SPMIP8: variants seen among roughly 807,000 people sequenced by gnomAD.
SPMIP8 encodes the protein testicular tissue protein Li 196.
At chr16:57,986,298 G>A in the SPMIP8 span, 1 of 240,100 alleles carries the variant, frequency 4.2e-6, no homozygotes, top group Admixed American at 5.6e-5. Flanking sequence ...GAGGCCCTAA[G>A]GGAGGGGGCT....
chr16:57,981,023 ATTCT>A, the SPMIP8 span, among the ~76,000 whole-genome samples: 2 of 152,118 alleles, frequency 1.3e-5, no homozygotes, highest in African/African-American at 4.8e-5. Context: ...CCTGTAGTTT[ATTCT>A]TTAAGTGTAG....
the SPMIP8 span, chr16:57,985,526 G>C: frequency 6.2e-7 from 1 of 1,607,110 alleles, no homozygotes; most frequent in South Asian, 1.1e-5. Context: ...ACGGACAGAA[G>C]CCCCTGCCTT....
the SPMIP8 span, chr16:57,984,184 G>A: frequency 1.1e-6 from 1 of 901,138 alleles, no homozygotes; most frequent in East Asian, 2.4e-5. Flanking sequence ...GATTACAGGT[G>A]TGAGCCATCG....
the SPMIP8 span, among the ~76,000 whole-genome samples, chr16:57,977,059 C>T: frequency 2.6e-5 from 4 of 152,098 alleles, no homozygotes; most frequent in Non-Finnish European, 4.4e-5. Flanking sequence ...CAGAGGTATA[C>T]GGCATACTAA....
the SPMIP8 span, chr16:57,985,818 G>C: frequency 5.4e-6 from 8 of 1,481,908 alleles, no homozygotes; most frequent in Non-Finnish European, 6.3e-6. Flanking sequence ...GAGGGATGGC[G>C]GGGAGAGGGG....
chr16:57,984,222 A>G, the SPMIP8 span: 1 of 1,469,892 alleles, frequency 6.8e-7, no homozygotes, highest in Non-Finnish European at 9.5e-7. Flanking sequence ...TTTTTAAAGT[A>G]CAGTGTGGGC....
the SPMIP8 span, chr16:57,987,284 G>A: frequency 8.6e-7 from 1 of 1,158,784 alleles, no homozygotes; most frequent in East Asian, 3.2e-5. Context: ...AGTCTCCTGA[G>A]CCACATAGAG....
the SPMIP8 span, among the ~76,000 whole-genome samples, chr16:57,982,519 C>T: frequency 6.6e-6 from 1 of 152,256 alleles, no homozygotes; most frequent in Non-Finnish European, 1.5e-5. Flanking sequence ...TTCTGTAAAC[C>T]AGCAGCTAGG....
At chr16:57,979,154 G>T in the SPMIP8 span, among the ~76,000 whole-genome samples, 1 of 152,212 alleles carries the variant, frequency 6.6e-6, no homozygotes, top group African/African-American at 2.4e-5. Flanking sequence ...GATTTAGAAG[G>T]TATTTAGCAG....
chr16:57,986,050 T>C, the SPMIP8 span: 1 of 1,393,706 alleles, frequency 7.2e-7, no homozygotes, highest in Non-Finnish European at 9.5e-7. Context: ...CAGCGAGGCC[T>C]GGCGAGGAGG....
chr16:57,979,936 C>T, the SPMIP8 span, among the ~76,000 whole-genome samples: 11 of 152,062 alleles, frequency 7.2e-5, no homozygotes, highest in Admixed American at 2.6e-4. Context: ...GGCGGGGTGG[C>T]GGGTGCCTGT....
At chr16:57,976,714 C>A in the SPMIP8 span, 2 of 1,549,192 alleles carry the variant, frequency 1.3e-6, no homozygotes, top group Non-Finnish European at 8.8e-7. Context: ...GCAGTCACAT[C>A]CCCTAAGGCA....
At chr16:57,983,656 T>C in the SPMIP8 span, among the ~76,000 whole-genome samples, 3 of 152,094 alleles carry the variant, frequency 2.0e-5, no homozygotes, top group Admixed American at 6.5e-5. Flanking sequence ...CTGTTGCCCA[T>C]GCTGGAGTGC....
At chr16:57,977,685 G>A in the SPMIP8 span, 3 of 1,020,094 alleles carry the variant, frequency 2.9e-6, no homozygotes, top group Non-Finnish European at 4.4e-6. Context: ...AAATGGCCTG[G>A]CACACAGTAG....
chr16:57,985,202 G>T, the SPMIP8 span: 1 of 1,524,406 alleles, frequency 6.6e-7, no homozygotes, highest in Non-Finnish European at 8.8e-7. Context: ...CTTTCTGTTC[G>T]CAGCGGAGGG....
the SPMIP8 span, chr16:57,987,583 C>G: frequency 3.7e-6 from 3 of 814,718 alleles, no homozygotes; most frequent in Non-Finnish European, 5.3e-6. Flanking sequence ...GCAATTGTCT[C>G]TGTCTGTGTG....
chr16:57,984,346 C>A, the SPMIP8 span: 3 of 1,614,258 alleles, frequency 1.9e-6, no homozygotes, highest in South Asian at 2.2e-5. Flanking sequence ...GGGTCCCCAA[C>A]AAACCCCTGC....
At chr16:57,981,953 AG>A in the SPMIP8 span, among the ~76,000 whole-genome samples, 3 of 152,172 alleles carry the variant, frequency 2.0e-5, no homozygotes, top group Admixed American at 1.3e-4. Context: ...CTTAGCCAAG[AG>A]GGGGGTCCGC....
chr16:57,985,947 G>A, the SPMIP8 span: 1 of 1,612,206 alleles, frequency 6.2e-7, no homozygotes, highest in Non-Finnish European at 8.5e-7. Flanking sequence ...TACAGGTAGG[G>A]GAACGGTCCT....
Sources: allele counts gnomAD v4.1 joint callset (sites outside exome capture counted in the v4.1 genomes callset), GRCh38; gene constraint gnomAD v4.1.1; transcripts MANE v1.5; gene names NCBI Gene and HGNC (gene_info 2026-07-23, HGNC 2026-07-21).